The following PRKX variants were observed in gnomAD, a reference collection of about 807,000 sequenced individuals.
PRKX encodes the protein cAMP-dependent protein kinase catalytic subunit PRKX.
PRKX carries 12 observed loss-of-function variants against 22.0 expected under a neutral mutation model. That is an observed-to-expected ratio of 0.54 (90% CI 0.35 to 0.88). The LOEUF (loss-of-function observed/expected upper bound fraction) is 0.88. Ranked by LOEUF, PRKX falls within the 40% of genes least tolerant of loss-of-function variation. The pLI is 0.01. For missense variants in PRKX, 217 were observed against 308.0 expected (o/e 0.70, Z 2.21); for synonymous variants, 134 against 137.7 (o/e 0.97, Z 0.19).
chrX:3,617,116 TAATA>T (rs1209020513), intron 6 of PRKX, among the ~76,000 whole-genome samples: 1 of 103,074 alleles, frequency 9.7e-6, no homozygotes, highest in Non-Finnish European at 2.0e-5. Context: ...ATATACACGT[TAATA>T]TATACACACA....
At chrX:3,712,202 G>A (rs1928804667) in intron 1 of PRKX, among the ~76,000 whole-genome samples, 2 of 111,395 alleles carry the variant, frequency 1.8e-5, no homozygotes, top group Admixed American at 9.5e-5. Flanking sequence ...AACACACCCA[G>A]GACAGCCCCC....
intron 1 of PRKX, among the ~76,000 whole-genome samples, chrX:3,689,713 C>G (rs757962168): frequency 1.6e-4 from 18 of 111,627 alleles, no homozygotes; most frequent in Admixed American, 1.2e-3. Context: ...CGCGGTGGCT[C>G]ACACCTGTAA....
intron 4 of PRKX, among the ~76,000 whole-genome samples, chrX:3,630,396 C>G (rs7884408): frequency 9.1e-6 from 1 of 109,376 alleles, no homozygotes; most frequent in Non-Finnish European, 1.9e-5. Flanking sequence ...CTGTCTCTAC[C>G]AAAAATACAA....
At chrX:3,622,170 A>G (rs1158841904) in intron 5 of PRKX, among the ~76,000 whole-genome samples, 1 of 109,335 alleles carries the variant, frequency 9.1e-6, no homozygotes, top group African/African-American at 3.3e-5. Context: ...AAACAACAAC[A>G]ACGACAACAA....
intron 1 of PRKX, among the ~76,000 whole-genome samples, chrX:3,711,069 A>C (rs1295244672): frequency 1.8e-5 from 2 of 111,672 alleles, no homozygotes; most frequent in Non-Finnish European, 3.8e-5. Context: ...TCTTTAACCA[A>C]CAATAAAGAA....
chrX:3,699,197 C>T (rs982996509), intron 1 of PRKX, among the ~76,000 whole-genome samples: 2 of 108,040 alleles, frequency 1.9e-5, no homozygotes, highest in East Asian at 2.9e-4. Context: ...CCACTACGCC[C>T]GGCTAATTTT....
At chrX:3,695,021 T>C (rs898982519) in intron 1 of PRKX, among the ~76,000 whole-genome samples, 1 of 111,754 alleles carries the variant, frequency 8.9e-6, no homozygotes, top group Non-Finnish European at 1.9e-5. Context: ...TTTATGGTAA[T>C]TTGAGACAAT....
chrX:3,660,293 T>G (rs1442416613), intron 2 of PRKX, among the ~76,000 whole-genome samples: 5 of 112,084 alleles, frequency 4.5e-5, no homozygotes, highest in Non-Finnish European at 9.4e-5. Context: ...AAAATTTAGC[T>G]ACGACTGACC....
intron 1 of PRKX, among the ~76,000 whole-genome samples, chrX:3,697,898 G>A (rs147105380): frequency 3.0e-4 from 34 of 111,753 alleles, no homozygotes; most frequent in African/African-American, 1.1e-3. Flanking sequence ...CCAGCTGAGA[G>A]TCACACAGAA....
chrX:3,618,631 TAAA>T (rs60775364), intron 6 of PRKX, among the ~76,000 whole-genome samples: 10,305 of 110,753 alleles, frequency 0.093, 406 homozygotes, highest in Middle Eastern at 0.15. Flanking sequence ...AAAAAAAAAA[TAAA>T]ATAAAGTCAG....
At chrX:3,661,558 T>C (rs1927595894) in intron 2 of PRKX, among the ~76,000 whole-genome samples, 1 of 108,198 alleles carries the variant, frequency 9.2e-6, no homozygotes, top group Admixed American at 1.0e-4. Context: ...ACTGAACCTC[T>C]GCACTCCAGC....
At chrX:3,622,521 C>T (rs1262190363) in intron 5 of PRKX, among the ~76,000 whole-genome samples, 1 of 110,739 alleles carries the variant, frequency 9.0e-6, no homozygotes, top group Non-Finnish European at 1.9e-5. Flanking sequence ...TCCGACAAGC[C>T]AGGTGACGTC....
At chrX:3,709,741 T>C (rs1214236246) in intron 1 of PRKX, among the ~76,000 whole-genome samples, 2 of 111,947 alleles carry the variant, frequency 1.8e-5, no homozygotes, top group African/African-American at 3.2e-5. Flanking sequence ...CACAGATTCA[T>C]CCTCTTCTCT....
intron 3 of PRKX, among the ~76,000 whole-genome samples, chrX:3,654,223 CAT>C (rs1339873084): frequency 1.1e-5 from 1 of 92,846 alleles, no homozygotes; most frequent in Non-Finnish European, 2.0e-5. Context: ...GATACTATAT[CAT>C]AGTCATTGTA....
intron 8 of PRKX, among the ~76,000 whole-genome samples, 166 bp downstream of exon 8, chrX:3,612,011 A>G (rs1169267490): frequency 9.0e-6 from 1 of 111,055 alleles, no homozygotes; most frequent in Non-Finnish European, 1.9e-5. Flanking sequence ...AGTCACAGGC[A>G]TGGCTGTGTT....
Position 3,657,834 on chromosome X carries a change from G to A in PRKX, c.336-2422C>T, listed in dbSNP as rs1343859691. 2.7e-5 allele frequency among the ~76,000 whole-genome samples: 3 copies of A among 111,866 alleles called. No homozygotes were observed. The East Asian group carries it at 8.4e-4, about 31-fold the overall frequency. ...GAAGGTGGGGGTAGGGATGAAAGAAGGAACAGAAGATACTGAGGTGCGTCT... is the reference window on the plus strand; with the variant it reads ...GAAGGTGGGGGTAGGGATGAAAGAAAGAACAGAAGATACTGAGGTGCGTCT... On this transcript the variant is annotated intron_variant, in intron 2 of 8. Coordinates refer to ENST00000262848, the MANE Select transcript of PRKX (RefSeq NM_005044.5).
At chrX:3,671,376 T>C (rs1229564525) in intron 2 of PRKX, among the ~76,000 whole-genome samples, 1 of 111,657 alleles carries the variant, frequency 9.0e-6, no homozygotes, top group Non-Finnish European at 1.9e-5. Flanking sequence ...ATTACAGGTG[T>C]GAGCCACCGA....
intron 2 of PRKX, among the ~76,000 whole-genome samples, chrX:3,665,419 T>G (rs1927704096): frequency 9.0e-6 from 1 of 110,525 alleles, no homozygotes. Flanking sequence ...CAGGTTGCAG[T>G]GACCCAAGAT....
At chrX:3,701,094 A>G (rs1250661741) in intron 1 of PRKX, among the ~76,000 whole-genome samples, 2 of 93,537 alleles carry the variant, frequency 2.1e-5, no homozygotes, top group Non-Finnish European at 4.4e-5. Flanking sequence ...TTCATCTTTT[A>G]TTTCCTTTTC....
Sources: gnomAD v4.1 joint callset for allele counts (sites outside exome capture counted in the v4.1 genomes callset) on GRCh38, gnomAD v4.1.1 for gene constraint, MANE v1.5 for transcripts, NCBI Gene and HGNC (gene_info 2026-07-23, HGNC 2026-07-21) for gene names.